PMS1: variants seen among roughly 807,000 people sequenced by gnomAD.
The protein encoded by PMS1 is PMS1 homolog 1, mismatch repair system component.
PMS1 carries 79 observed loss-of-function variants against 93.1 expected under a neutral mutation model. That is an observed-to-expected ratio of 0.85 (90% confidence interval 0.71 to 1.02). The LOEUF is 1.02. PMS1 is among the 50% of genes least tolerant of loss of function. PMS1 has a pLI of 0.00. For missense variants in PMS1, 1,064 were observed against 1,085.3 expected (o/e 0.98, Z 0.28); for synonymous variants, 335 against 363.4 (o/e 0.92, Z 0.89).
At position 189,872,483 on chromosome 2, in the gene PMS1, G is replaced by A. The variant is rs549888639; in HGVS notation, c.2474-1013G>A. 2.0e-5 allele frequency among the ~76,000 whole-genome samples: 3 copies of A among 152,092 alleles called. No individual in the cohort carries two copies. In the South Asian group the frequency reaches 6.2e-4, roughly 32 times the overall value. On this transcript the variant is annotated intron_variant, in intron 11 of 12. Coordinates refer to ENST00000441310, the MANE Select transcript of PMS1 (RefSeq NM_000534.5). ...TATGTAGACTTCATGAAAGAACACT[G>A]TTACACCGATACAGCCAAAGAAGAC...
intron 3 of PMS1, among the ~76,000 whole-genome samples, chr2:189,799,261 T>C (rs1301197132): frequency 3.9e-5 from 6 of 152,172 alleles, no homozygotes. Context: ...TCTTAGAAAA[T>C]ATTAACAGTA....
intron 11 of PMS1, among the ~76,000 whole-genome samples, chr2:189,869,740 C>A (rs913074433): frequency 3.3e-5 from 5 of 151,758 alleles, no homozygotes; most frequent in Non-Finnish European, 5.9e-5. Context: ...TCGCTTGAAC[C>A]CAGGAGGTGG....
chr2:189,787,761 A>G (rs2048492534), intron 1 of PMS1, among the ~76,000 whole-genome samples: 1 of 152,212 alleles, frequency 6.6e-6, no homozygotes, highest in African/African-American at 2.4e-5. Flanking sequence ...TAACAGCTAT[A>G]TGATACTGAG....
intron 5 of PMS1, among the ~76,000 whole-genome samples, chr2:189,831,273 T>C (rs1319784064): frequency 6.6e-6 from 1 of 152,200 alleles, no homozygotes; most frequent in East Asian, 1.9e-4. Flanking sequence ...TAAAAGTTTT[T>C]AAGTAGGGAA....
At chr2:189,845,749 G>A (rs1322033177) in intron 6 of PMS1, among the ~76,000 whole-genome samples, 1 of 150,782 alleles carries the variant, frequency 6.6e-6, no homozygotes, top group African/African-American at 2.4e-5. Context: ...TTTTCTTTTT[G>A]AGATGGAGTC....
chr2:189,860,517 T>C lies in PMS1; in HGVS notation c.1857-3226T>C, dbSNP rs256570. The stretch of plus-strand genomic sequence containing the variant: ...TTGGGTTGTTTCCAGTTTGGGGCTA[T>C]TATGAGTAAAATTGTGTTGTTTACT... On this transcript the variant is annotated intron_variant, in intron 9 of 12. Coordinates refer to ENST00000441310, the MANE Select transcript of PMS1 (RefSeq NM_000534.5). 5.6e-3 allele frequency among the ~76,000 whole-genome samples: 856 copies of C among 152,272 alleles called. 12 individuals carry two copies. The highest frequency in any genetic ancestry group is 0.02 in the African/African-American group (830 of 41,566).
intron 11 of PMS1, among the ~76,000 whole-genome samples, chr2:189,872,904 G>T (rs1299657904): frequency 6.6e-6 from 1 of 152,142 alleles, no homozygotes; most frequent in Non-Finnish European, 1.5e-5. Context: ...AAAGTGCTAG[G>T]ATTGCAGGTG....
Position 189,791,869 on chromosome 2 carries a change from G to T in PMS1, c.60G>T (p.Ser20=), listed in dbSNP as rs750916185. 5 of 1,613,574 alleles carry T rather than the reference G, an allele frequency of 3.1e-6. No individual in the cohort carries two copies. Among genetic ancestry groups the T allele is most frequent in the Non-Finnish European group, 4.2e-6 (5 of 1,179,640 alleles). ...RLLSSSQIIT[S]VVSVVKELIE... ...TTTCAAGTTCTCAGATCATCACTTC[G>T]GTGGTCAGTGTTGTAAAAGAGCTTA... is the stretch of plus-strand genomic sequence containing the variant. Residue 20 remains serine (S), a synonymous_variant, in exon 2 of 13, where the codon TCG becomes TCT. Transcript: ENST00000441310.
chr2:189,790,284 A>G (rs2048735068), intron 1 of PMS1, among the ~76,000 whole-genome samples: 1 of 152,238 alleles, frequency 6.6e-6, no homozygotes, highest in African/African-American at 2.4e-5. Context: ...TTGGTAAGGC[A>G]CATAACTGAT....
chr2:189,863,367 C>G (rs2056238266), intron 9 of PMS1, among the ~76,000 whole-genome samples: 1 of 151,690 alleles, frequency 6.6e-6, no homozygotes, highest in Non-Finnish European at 1.5e-5. Flanking sequence ...AATTCTCATG[C>G]CTCAGCCTTC....
chr2:189,853,076 G>A (rs2054925322), intron 7 of PMS1, among the ~76,000 whole-genome samples: 1 of 152,002 alleles, frequency 6.6e-6, no homozygotes, highest in Non-Finnish European at 1.5e-5. Context: ...TTTTGAGATG[G>A]AGTTTCGCTC....
At position 189,811,281 on chromosome 2, in the gene PMS1, G is replaced by GAA. The variant is rs370077425; in HGVS notation, c.418+5543_418+5544dup. Among the ~76,000 whole-genome samples the GAA allele has an allele frequency of 7.3e-3, 829 of 113,676 alleles. 5 individuals are homozygous for GAA. Among genetic ancestry groups the GAA allele is most frequent in the African/African-American group, 0.016 (548 of 33,812 alleles). 74.6% of individuals were successfully genotyped at this position (113,676 alleles called of 152,430 possible). On this transcript the variant is annotated intron_variant, in intron 4 of 12. Coordinates refer to ENST00000441310, the MANE Select transcript of PMS1 (RefSeq NM_000534.5). ...GAGAGAATGGGGCAGAACAAAATCT[G>GAA]AAAAAAAAAAAAAAAAAGTCTGAGG...
intron 5 of PMS1, 41 bp downstream of exon 5, chr2:189,818,221 T>C (rs747955275): frequency 7.8e-7 from 1 of 1,277,602 alleles, no homozygotes; most frequent in Admixed American, 1.7e-5. Context: ...GGGTATATGA[T>C]ATAATAAACA....
At chr2:189,833,806 T>C (rs1348025384) in intron 5 of PMS1, among the ~76,000 whole-genome samples, 2 of 152,344 alleles carry the variant, frequency 1.3e-5, no homozygotes, top group East Asian at 1.9e-4. Flanking sequence ...TTAATTAATC[T>C]TTTTTCCTTT....
intron 6 of PMS1, among the ~76,000 whole-genome samples, chr2:189,845,892 T>G (rs2054211986): frequency 6.6e-6 from 1 of 151,862 alleles, no homozygotes; most frequent in South Asian, 2.1e-4. Context: ...CCCGGCTAAT[T>G]TTTGTATTTT....
intron 4 of PMS1, among the ~76,000 whole-genome samples, chr2:189,817,005 A>G (rs1575123867): frequency 6.6e-6 from 1 of 152,356 alleles, no homozygotes; most frequent in East Asian, 1.9e-4. Context: ...TAAATACTAA[A>G]TCAGTGGTTC....
At chr2:189,864,668 AAAAAAAAAAAAAAAAAAAAATATAT>A (rs2056405346) in intron 10 of PMS1, among the ~76,000 whole-genome samples, 2 of 35,896 alleles carry the variant, frequency 5.6e-5, no homozygotes, top group East Asian at 6.3e-4. Context: ...AAAAAAAAAA[AAAAAAAAAAAAAAAAAAAAATATAT>A]ATATATATAT....
In PMS1 at chr2:189,852,718, C is replaced by T. The variant is rs769264049; in HGVS notation, c.763C>T (p.Pro255Ser). Reference sequence around the variant, plus strand: ...CCACTCTTTCACTAGTCTTTCAACACCAGAAAGAAGTTTCATCTTCATAAA... The same window carrying T: ...CCACTCTTTCACTAGTCTTTCAACATCAGAAAGAAGTTTCATCTTCATAAA... Reference protein sequence around the residue: ...ADHSFTSLSTPERSFIFINSR... With the variant: ...ADHSFTSLSTSERSFIFINSR... The change falls in exon 7 of 13, where the codon CCA (proline) becomes TCA (serine). Residue 255 changes from proline to serine, a missense_variant. Transcript: ENST00000441310. 7 of 1,578,164 alleles carry T rather than the reference C, an allele frequency of 4.4e-6. No homozygotes were observed. The highest frequency in any genetic ancestry group is 5.2e-6 in the Non-Finnish European group (6 of 1,147,640).
intron 5 of PMS1, among the ~76,000 whole-genome samples, chr2:189,823,077 CT>C (rs141963499): frequency 0.033 from 4,975 of 151,736 alleles, 277 homozygotes; most frequent in African/African-American, 0.11. Context: ...TCTCTTTTTT[CT>C]TTTTTTATTT....
Sources: allele counts gnomAD v4.1 joint callset (sites outside exome capture counted in the v4.1 genomes callset), GRCh38; gene constraint gnomAD v4.1.1; transcripts MANE v1.5; gene names NCBI Gene and HGNC (gene_info 2026-07-23, HGNC 2026-07-21).